The following LAMA2 variants were observed in gnomAD, a reference collection of about 807,000 sequenced individuals.
The protein encoded by LAMA2 is laminin subunit alpha 2, also known as laminin subunit alpha-2.
In LAMA2, 269 loss-of-function variants were observed where a neutral mutation model predicts 364.8. That is an observed-to-expected ratio of 0.74 (90% CI 0.67 to 0.82). The LOEUF is 0.82. LAMA2 is among the 40% of genes least tolerant of loss of function. The pLI is 0.00. For synonymous variants in LAMA2, 1,379 were observed against 1,370.6 expected, an observed-to-expected ratio of 1.01 and a Z score of -0.14; for missense variants, 3,807 against 3,873.2, an observed-to-expected ratio of 0.98 and a Z score of 0.45.
At chr6:129,272,660 C>T (rs1378040588) in intron 17 of LAMA2, among the ~76,000 whole-genome samples, 1 of 152,096 alleles carries the variant, frequency 6.6e-6, no homozygotes, top group East Asian at 1.9e-4. Flanking sequence ...GAAAATAAGA[C>T]ATTGGTTTAA....
chr6:129,018,125 C>A (rs1785192516), intron 1 of LAMA2, among the ~76,000 whole-genome samples: 1 of 151,458 alleles, frequency 6.6e-6, no homozygotes, highest in Non-Finnish European at 1.5e-5. Flanking sequence ...TTAAACAATA[C>A]AAAATATTTT....
At chr6:129,459,526 A>G (rs1783138087) in intron 48 of LAMA2, among the ~76,000 whole-genome samples, 1 of 152,072 alleles carries the variant, frequency 6.6e-6, no homozygotes, top group South Asian at 2.1e-4. Flanking sequence ...CAAGCAAACG[A>G]CACCAATGTG....
rs77517667 is a variant in LAMA2, at chr6:129,049,830, A to G, written c.113-88A>G. On this transcript the variant is annotated intron_variant, in intron 1 of 64. Transcript: ENST00000421865. The stretch of plus-strand genomic sequence containing the variant: ...TGTTGGGTTACTTTAATGCTCCGAA[A>G]AATATTTTATCTCAATTGCTTTTAA... The G allele has an allele frequency of 0.13, 155,544 of 1,237,172 alleles. 10,673 individuals are homozygous for G. Among genetic ancestry groups the G allele is most frequent in the Middle Eastern group, 0.16 (866 of 5,318 alleles). 76.6% of individuals were successfully genotyped at this position (1,237,172 alleles called of 1,614,324 possible).
chr6:128,939,478 T>A (rs1780029904), intron 1 of LAMA2, among the ~76,000 whole-genome samples: 1 of 152,206 alleles, frequency 6.6e-6, no homozygotes, highest in Non-Finnish European at 1.5e-5. Flanking sequence ...ATTCATTTAC[T>A]TTCTTTTTGC....
chr6:129,037,011 A>G (rs1305259641), intron 1 of LAMA2, among the ~76,000 whole-genome samples: 4 of 152,172 alleles, frequency 2.6e-5, no homozygotes, highest in South Asian at 2.1e-4. Context: ...TTTTATACCA[A>G]TATGCTCTGA....
intron 12 of LAMA2, among the ~76,000 whole-genome samples, chr6:129,199,695 A>G (rs530116879): frequency 1.3e-5 from 2 of 152,298 alleles, no homozygotes; most frequent in Non-Finnish European, 2.9e-5. Flanking sequence ...TTTCAAAAAA[A>G]ATTTTTAAGA....
At chr6:129,153,257 C>G (rs569794436) in intron 7 of LAMA2, among the ~76,000 whole-genome samples, 1 of 152,270 alleles carries the variant, frequency 6.6e-6, no homozygotes, top group African/African-American at 2.4e-5. Context: ...ATTTCACATG[C>G]ATTATCTCAC....
At chr6:128,905,889 G>GT (rs1435855697) in intron 1 of LAMA2, among the ~76,000 whole-genome samples, 4 of 151,920 alleles carry the variant, frequency 2.6e-5, no homozygotes, top group Non-Finnish European at 5.9e-5. Flanking sequence ...GCGGTGTTTG[G>GT]TTTTTTATTC....
At chr6:128,987,140 G>GTTT (rs764115716) in intron 1 of LAMA2, among the ~76,000 whole-genome samples, 117 of 121,336 alleles carry the variant, frequency 9.6e-4, no homozygotes, top group Non-Finnish European at 1.4e-3. Flanking sequence ...TTTTTTTTTT[G>GTTT]TTTTTTTTTT....
At chr6:129,469,559 C>G (rs933069814) in intron 51 of LAMA2, among the ~76,000 whole-genome samples, 2 of 151,878 alleles carry the variant, frequency 1.3e-5, no homozygotes, top group Non-Finnish European at 2.9e-5. Context: ...AAATATACAT[C>G]TACCATACAA....
intron 3 of LAMA2, among the ~76,000 whole-genome samples, chr6:129,092,261 G>A (rs557208807): frequency 3.9e-5 from 6 of 151,964 alleles, no homozygotes; most frequent in East Asian, 1.9e-4. Context: ...TTTCTTTAGC[G>A]TCACAGGGGA....
rs1213149397 is a variant in LAMA2, at chr6:129,320,414, AAG to A, written c.4059-122_4059-121del. The A allele has an allele frequency of 2.4e-5, 18 of 745,450 alleles. No individual in the cohort carries two copies. In the African/African-American group the frequency reaches 2.6e-4, roughly 11 times the overall value. 46.2% of individuals were successfully genotyped at this position (745,450 alleles called of 1,614,324 possible). ...TTATTATTTGTCAATTAAAAACAAA[AAG>A]ACAATAGAACATACTTGAGGTTGAC... On this transcript the variant is annotated intron_variant, in intron 27 of 64. Transcript: ENST00000421865.
At chr6:129,407,455 T>G (rs1398786296) in intron 40 of LAMA2, among the ~76,000 whole-genome samples, 1 of 152,208 alleles carries the variant, frequency 6.6e-6, no homozygotes, top group Non-Finnish European at 1.5e-5. Flanking sequence ...TAAATGCTGA[T>G]ATGAAGTCAA....
At chr6:129,473,445 G>A (rs1783914825) in intron 52 of LAMA2, 93 bp downstream of exon 52, 1 of 1,239,690 alleles carries the variant, frequency 8.1e-7, no homozygotes, top group Non-Finnish European at 1.2e-6. Flanking sequence ...CAATAAGAAT[G>A]TCATATAACC....
chr6:129,346,697 G>A (rs1776577078), intron 30 of LAMA2, among the ~76,000 whole-genome samples: 1 of 152,152 alleles, frequency 6.6e-6, no homozygotes. Flanking sequence ...GAATATATAA[G>A]TGAACAAAAC....
At chr6:129,141,119 T>A (rs1207266255) in intron 4 of LAMA2, among the ~76,000 whole-genome samples, 3 of 152,058 alleles carry the variant, frequency 2.0e-5, no homozygotes, top group Non-Finnish European at 4.4e-5. Context: ...TTCTTTCAAG[T>A]AGTATTTTTG....
chr6:129,132,397 A>T (rs1777544370), intron 4 of LAMA2, among the ~76,000 whole-genome samples: 1 of 151,958 alleles, frequency 6.6e-6, no homozygotes, highest in Admixed American at 6.6e-5. Flanking sequence ...CGATCTCCTG[A>T]CCTCGTGATC....
chr6:129,467,402 G>A (rs1314238409), intron 51 of LAMA2, among the ~76,000 whole-genome samples: 2 of 151,750 alleles, frequency 1.3e-5, no homozygotes, highest in African/African-American at 4.8e-5. Context: ...TCGCCTGTTG[G>A]GTACAGTGTT....
At chr6:129,214,881 A>G (rs1583267963) in intron 12 of LAMA2, among the ~76,000 whole-genome samples, 1 of 152,170 alleles carries the variant, frequency 6.6e-6, no homozygotes, top group African/African-American at 2.4e-5. Flanking sequence ...CTGACATCCT[A>G]CCTTGAGTCT....
Sources: allele counts gnomAD v4.1 joint callset (sites outside exome capture counted in the v4.1 genomes callset), GRCh38; gene constraint gnomAD v4.1.1; transcripts MANE v1.5; gene names NCBI Gene and HGNC (gene_info 2026-07-23, HGNC 2026-07-21).